GPR39: variants seen among roughly 807,000 people sequenced by gnomAD.
The protein encoded by GPR39 is G protein-coupled receptor 39, also known as zinc sensing receptor.
Under a neutral mutation model 18.4 loss-of-function variants are expected in GPR39, and 23 were observed. That is an observed-to-expected ratio of 1.25 (90% CI 0.90 to 1.77). The LOEUF (loss-of-function observed/expected upper bound fraction) is 1.77, where lower values mean the gene tolerates loss of function less well. GPR39 is among the 40% of genes most tolerant of loss of function. The pLI, the probability that GPR39 is intolerant of heterozygous loss-of-function variation, is 0.00. For missense variants in GPR39, 647 were observed against 602.4 expected (o/e 1.07, Z -0.78); for synonymous variants, 280 against 257.9 (o/e 1.09, Z -0.82).
intron 1 of GPR39, among the ~76,000 whole-genome samples, chr2:132,625,491 A>C (rs1681526045): frequency 6.6e-6 from 1 of 152,202 alleles, no homozygotes. Flanking sequence ...ACAGATTGGC[A>C]AACTTGACTT....
rs1463819889 is a variant in GPR39 at position 132,417,871 on chromosome 2, G to A, written c.829G>A (p.Ala277Thr). The change falls in exon 1 of 2, where the codon GCC (alanine) becomes ACC (threonine). Residue 277 changes from alanine to threonine, a missense_variant. Ala to Thr is a moderately conservative substitution (Grantham distance 58). Coordinates refer to ENST00000329321, the MANE Select transcript of GPR39 (RefSeq NM_001508.3). ...RKSESEESRT[A>T]RRQTIIFLRL... Reference sequence around the variant, plus strand: ...GTCCGAGAGCGAAGAGAGCAGGACCGCCAGGAGGCAGACCATCATCTTCCT... The same window carrying A: ...GTCCGAGAGCGAAGAGAGCAGGACCACCAGGAGGCAGACCATCATCTTCCT... 3.8e-6 allele frequency: 6 copies of A among 1,597,488 alleles called. No individual in the cohort carries two copies. The highest frequency in any genetic ancestry group is 2.2e-5 in the East Asian group (1 of 44,664).
Position 132,446,643 on chromosome 2 carries a change from A to G in GPR39, c.856+28745A>G, listed in dbSNP as rs961774325. ...TGGAGATGCTGGCAAGGCTAAGTTT[A>G]CAGGGCAGTAGGAATGAGGAAGTGG... On this transcript the variant is annotated intron_variant, in intron 1 of 1. Coordinates refer to ENST00000329321, the MANE Select transcript of GPR39 (RefSeq NM_001508.3). 1.3e-4 allele frequency among the ~76,000 whole-genome samples: 20 copies of G among 152,172 alleles called. No individual in the cohort carries two copies. In the East Asian group the frequency reaches 2.7e-3, roughly 21 times the overall value.
rs1052482653 is a variant in GPR39 at position 132,611,992 on chromosome 2, A to G, written c.857-33109A>G. ...ATATTGCAGAAAAAGCCAAGCAAAC[A>G]TGTGAGTTCAGCGTGCATTTATCTT... On this transcript the variant is annotated intron_variant, in intron 1 of 1. Transcript: ENST00000329321. Among the ~76,000 whole-genome samples, 5 of 152,170 alleles carry G rather than the reference A, an allele frequency of 3.3e-5. No individual in the cohort carries two copies. In the East Asian group the frequency reaches 9.6e-4, roughly 29 times the overall value.
chr2:132,634,176 G>C (rs1481880451), intron 1 of GPR39, among the ~76,000 whole-genome samples: 1 of 152,060 alleles, frequency 6.6e-6, no homozygotes, highest in African/African-American at 2.4e-5. Context: ...GGTGGTAGTG[G>C]TGGTGGTACT....
chr2:132,484,126 T>G (rs1039966360), intron 1 of GPR39, among the ~76,000 whole-genome samples: 1 of 152,182 alleles, frequency 6.6e-6, no homozygotes, highest in Non-Finnish European at 1.5e-5. Context: ...TACTTTTTAG[T>G]GTAGTATCAC....
intron 1 of GPR39, among the ~76,000 whole-genome samples, chr2:132,583,724 G>A (rs1447492596): frequency 6.6e-6 from 1 of 151,440 alleles, no homozygotes; most frequent in Non-Finnish European, 1.5e-5. Flanking sequence ...TTTGGTGGCT[G>A]GAGGCGACTT....
At chr2:132,624,415 C>A (rs1165907309) in intron 1 of GPR39, among the ~76,000 whole-genome samples, 1 of 152,132 alleles carries the variant, frequency 6.6e-6, no homozygotes, top group Non-Finnish European at 1.5e-5. Flanking sequence ...TGATAGTGAC[C>A]ATGACATTTA....
At position 132,645,331 on chromosome 2, in the gene GPR39, C is replaced by G. The variant is rs1464687545; in HGVS notation, c.1087C>G (p.Leu363Val). The change falls in exon 2 of 2, where the codon CTG becomes GTG. Residue 363 changes from leucine to valine, a missense_variant. By Grantham distance (32) the Leu-to-Val change is conservative. Transcript: ENST00000329321. ...RVFVQVLCCRLSLQHANHEKR... is the reference protein window; with the variant it reads ...RVFVQVLCCRVSLQHANHEKR... ...GTTCGTGCAGGTGCTGTGCTGCCGC[C>G]TGTCGCTGCAGCACGCCAACCACGA... The G allele has an allele frequency of 6.2e-7, 1 of 1,614,212 alleles. No homozygotes were observed. Among genetic ancestry groups the G allele is most frequent in the East Asian group, 2.2e-5 (1 of 44,882 alleles).
intron 1 of GPR39, among the ~76,000 whole-genome samples, chr2:132,557,309 C>T (rs1680170587): frequency 6.6e-6 from 1 of 152,132 alleles, no homozygotes; most frequent in African/African-American, 2.4e-5. Context: ...CAGAATGAGA[C>T]TCCATCTCAA....
chr2:132,476,739 A>G (rs1325285939), intron 1 of GPR39, among the ~76,000 whole-genome samples: 1 of 152,116 alleles, frequency 6.6e-6, no homozygotes, highest in African/African-American at 2.4e-5. Context: ...ATGGAGGAAA[A>G]GCATATGATG....
intron 1 of GPR39, among the ~76,000 whole-genome samples, chr2:132,544,249 G>C (rs899263521): frequency 2.0e-5 from 3 of 152,196 alleles, no homozygotes; most frequent in Non-Finnish European, 4.4e-5. Flanking sequence ...CAGGTTGCTT[G>C]TTTGCTTTTC....
At chr2:132,614,824 A>G (rs1414942533) in intron 1 of GPR39, among the ~76,000 whole-genome samples, 1 of 152,190 alleles carries the variant, frequency 6.6e-6, no homozygotes. Flanking sequence ...TACAGGCATG[A>G]GCCACCATGC....
chr2:132,546,680 A>G (rs1167610575), intron 1 of GPR39, among the ~76,000 whole-genome samples: 1 of 151,576 alleles, frequency 6.6e-6, no homozygotes, highest in Non-Finnish European at 1.5e-5. Context: ...GTCTGCCTAT[A>G]AAATAGAAAA....
In GPR39 at chr2:132,541,169, C is replaced by T. The variant is rs145801918; in HGVS notation, c.857-103932C>T. ...CACAATCTCGGCTCACTGCAACCTC[C>T]GCCTCTCAGCTTCAAGTGATTCTCT... On this transcript the variant is annotated intron_variant, in intron 1 of 1. Coordinates refer to ENST00000329321, the MANE Select transcript of GPR39 (RefSeq NM_001508.3). Among the ~76,000 whole-genome samples, 270 of 152,206 alleles carry T rather than the reference C, an allele frequency of 1.8e-3. 2 individuals carry two copies. Among genetic ancestry groups the T allele is most frequent in the African/African-American group, 5.7e-3 (238 of 41,544 alleles).
In GPR39 at chr2:132,484,430, A is replaced by G. The variant is rs527402058; in HGVS notation, c.856+66532A>G. Among the ~76,000 whole-genome samples, 5 of 152,380 alleles carry G rather than the reference A, an allele frequency of 3.3e-5. No homozygotes were observed. In the South Asian group the frequency reaches 8.3e-4, roughly 25 times the overall value. ...AAGAACCTAATAGGCCACAATGGGC[A>G]TCAGAGAGATGTTGTGACCCCATGC... On this transcript the variant is annotated intron_variant, in intron 1 of 1. Coordinates refer to ENST00000329321, the MANE Select transcript of GPR39 (RefSeq NM_001508.3).
intron 1 of GPR39, among the ~76,000 whole-genome samples, chr2:132,529,233 T>G (rs1679566472): frequency 6.6e-6 from 1 of 152,184 alleles, no homozygotes; most frequent in African/African-American, 2.4e-5. Flanking sequence ...GAGGGTCCTA[T>G]GCACATGTAG....
chr2:132,513,841 G>A (rs1679283535), intron 1 of GPR39, among the ~76,000 whole-genome samples: 1 of 152,182 alleles, frequency 6.6e-6, no homozygotes, highest in Admixed American at 6.5e-5. Flanking sequence ...AGCCTCCTGA[G>A]TAGCTGGGAC....
At chr2:132,445,792 A>G (rs1353134342) in intron 1 of GPR39, among the ~76,000 whole-genome samples, 1 of 152,198 alleles carries the variant, frequency 6.6e-6, no homozygotes, top group Non-Finnish European at 1.5e-5. Context: ...GAAACACATT[A>G]GGGTAAACAG....
chr2:132,576,524 G>A (rs1299344061), intron 1 of GPR39, among the ~76,000 whole-genome samples: 1 of 151,988 alleles, frequency 6.6e-6, no homozygotes, highest in Non-Finnish European at 1.5e-5. Context: ...ATGGTGGTGT[G>A]CACCTGTAAT....
Sources: allele counts gnomAD v4.1 joint callset (sites outside exome capture counted in the v4.1 genomes callset), GRCh38; gene constraint gnomAD v4.1.1; transcripts MANE v1.5; gene names NCBI Gene and HGNC (gene_info 2026-07-23, HGNC 2026-07-21).